The following PLBD1 variants were observed in gnomAD, a reference collection of about 807,000 sequenced individuals.
PLBD1 encodes the protein phospholipase B domain containing 1.
Under a neutral mutation model 63.0 loss-of-function variants are expected in PLBD1, and 60 were observed. The ratio of observed to expected loss-of-function variants is 0.95; its 90% CI spans 0.77 to 1.18. The LOEUF is 1.18. Ranked by LOEUF, PLBD1 falls within the 50% of genes most tolerant of loss-of-function variation. PLBD1 has a pLI of 0.00. For missense variants in PLBD1, 598 were observed against 677.9 expected, an observed-to-expected ratio of 0.88 and a Z score of 1.31; for synonymous variants, 262 against 248.0, an observed-to-expected ratio of 1.06 and a Z score of -0.53.
rs1042986464 is a variant in PLBD1, at chr12:14,527,940, CAA to C, written c.844+7717_844+7718del. ...TTAAGGCAAGGAGTTGTACTAGAGA[CAA>C]AAAAAAAAGACGTTTCATAATGATA... On this transcript the variant is annotated intron_variant, in intron 6 of 10. Coordinates refer to ENST00000240617, the MANE Select transcript of PLBD1 (RefSeq NM_024829.6). 2.2e-5 allele frequency among the ~76,000 whole-genome samples: 3 copies of C among 138,526 alleles called. No individual in the cohort carries two copies. In the Admixed American group the frequency reaches 2.2e-4, roughly 10 times the overall value. 90.9% of individuals were successfully genotyped at this position (138,526 alleles called of 152,430 possible). A position where few individuals can be genotyped will look rare whatever the true frequency, so the allele number is the denominator to read the frequency against.
chr12:14,547,596 C>T (rs1213747848), intron 2 of PLBD1, among the ~76,000 whole-genome samples: 1 of 152,202 alleles, frequency 6.6e-6, no homozygotes. Context: ...TCAGCTCCTG[C>T]AGTGTGTAAA....
At chr12:14,515,953 G>A (rs556603724) in intron 6 of PLBD1, among the ~76,000 whole-genome samples, 2 of 151,630 alleles carry the variant, frequency 1.3e-5, no homozygotes, top group East Asian at 1.9e-4. Flanking sequence ...GGAGGCTGAG[G>A]CACAAGAATT....
intron 6 of PLBD1, among the ~76,000 whole-genome samples, chr12:14,521,774 A>C (rs1286067839): frequency 6.6e-6 from 1 of 152,148 alleles, no homozygotes; most frequent in Non-Finnish European, 1.5e-5. Context: ...CCACCAAAAA[A>C]ACACAATAAC....
intron 6 of PLBD1, among the ~76,000 whole-genome samples, chr12:14,515,808 G>A (rs1945331810): frequency 1.3e-5 from 2 of 152,044 alleles, no homozygotes; most frequent in Admixed American, 6.6e-5. Flanking sequence ...CAGCACTTTG[G>A]GAGACCGAGG....
At chr12:14,513,373 G>GT (rs1174902347) in intron 6 of PLBD1, among the ~76,000 whole-genome samples, 1 of 152,104 alleles carries the variant, frequency 6.6e-6, no homozygotes, top group Non-Finnish European at 1.5e-5. Context: ...TGGACTTAAT[G>GT]TTTTTGTTTT....
In PLBD1 at chr12:14,511,544, T is replaced by G; in HGVS notation, c.1012A>C (p.Arg338=). 3 of 1,614,212 alleles carry G rather than the reference T, an allele frequency of 1.9e-6. No homozygotes were observed. The highest frequency in any genetic ancestry group is 2.5e-6 in the Non-Finnish European group (3 of 1,180,034). The part of the protein sequence containing the change: ...VANMMADSGK[R]WADIFSKYNS... Reference sequence around the variant, plus strand: ...TATTTTGAAAAGATGTCTGCCCACCTCTTGCCACTATCTGCCATCATATTG... The same window carrying G: ...TATTTTGAAAAGATGTCTGCCCACCGCTTGCCACTATCTGCCATCATATTG... The change falls in exon 7 of 11, where the codon AGG becomes CGG. Residue 338 remains arginine, a synonymous_variant. Transcript: ENST00000240617.
At chr12:14,531,460 T>C (rs933085418) in intron 6 of PLBD1, among the ~76,000 whole-genome samples, 1 of 152,200 alleles carries the variant, frequency 6.6e-6, no homozygotes, top group African/African-American at 2.4e-5. Flanking sequence ...TTATTATGCT[T>C]TGTTAATGAT....
intron 2 of PLBD1, among the ~76,000 whole-genome samples, chr12:14,545,859 C>A (rs1176093843): frequency 6.6e-6 from 1 of 151,906 alleles, no homozygotes; most frequent in Non-Finnish European, 1.5e-5. Flanking sequence ...ATTGAATCAT[C>A]ACATTTAACT....
intron 1 of PLBD1, among the ~76,000 whole-genome samples, chr12:14,558,513 G>A (rs1411852244): frequency 3.9e-5 from 6 of 152,084 alleles, no homozygotes; most frequent in African/African-American, 1.4e-4. Flanking sequence ...TCCAGGGAGC[G>A]TTGTAGGGAA....
rs374461141 is a variant in PLBD1 at position 14,519,686 on chromosome 12, G to A, written c.845-7975C>T. Among the ~76,000 whole-genome samples, 19 of 151,286 alleles carry A rather than the reference G, an allele frequency of 1.3e-4. No homozygotes were observed. The South Asian group carries it at 4.0e-3, about 32-fold the overall frequency. On this transcript the variant is annotated intron_variant, in intron 6 of 10. Transcript: ENST00000240617. The stretch of plus-strand genomic sequence containing the variant: ...CCCACACAGAGAAAAGGCCATGTGA[G>A]GACACAGTGAGAGGGTGGCCATCTG...
intron 4 of PLBD1, among the ~76,000 whole-genome samples, chr12:14,540,495 C>T (rs1183702394): frequency 1.3e-5 from 2 of 152,064 alleles, no homozygotes; most frequent in African/African-American, 4.8e-5. Flanking sequence ...AAACCCAGTA[C>T]ATTCATACTA....
Position 14,511,510 on chromosome 12 carries a change from C to G in PLBD1, c.1045+1G>C, listed in dbSNP as rs200669113. The G allele has an allele frequency of 6.2e-7, 1 of 1,614,176 alleles. No homozygotes were observed. Among genetic ancestry groups the G allele is most frequent in the East Asian group, 2.2e-5 (1 of 44,878 alleles). On this transcript the variant is annotated splice_donor_variant, in intron 7 of 10. Coordinates refer to ENST00000240617, the MANE Select transcript of PLBD1 (RefSeq NM_024829.6). LOFTEE classifies it high-confidence loss of function. ...AACAGTTATTCTGCAGGGTCACTTACCAGAGTTGTATTTTGAAAAGATGTC... is the reference window on the plus strand; with the variant it reads ...AACAGTTATTCTGCAGGGTCACTTAGCAGAGTTGTATTTTGAAAAGATGTC...
At chr12:14,526,772 A>T (rs1247793651) in intron 6 of PLBD1, among the ~76,000 whole-genome samples, 3 of 152,192 alleles carry the variant, frequency 2.0e-5, no homozygotes, top group Non-Finnish European at 1.5e-5. Flanking sequence ...CACGAGTTGG[A>T]GACCAGCTTG....
In PLBD1 at chr12:14,511,328, G is replaced by A; in HGVS notation, c.1118C>T (p.Thr373Ile). 1 of 1,612,384 alleles carries A rather than the reference G, an allele frequency of 6.2e-7. No homozygotes were observed. Among genetic ancestry groups the A allele is most frequent in the Non-Finnish European group, 8.5e-7 (1 of 1,178,590 alleles). Residue 373 changes from threonine (T) to isoleucine (I), a missense_variant, in exon 8 of 11, where the codon ACT becomes ATT. Transcript: ENST00000240617. Reference protein sequence around the residue: ...VKLNHSLDKGTLYIVEQIPTY... With the variant: ...VKLNHSLDKGILYIVEQIPTY... ...AGGAATTTGCTCCACAATGTACAGAGTGCCTTTGTCAAGACTGTGGTTCAG... is the reference window on the plus strand; with the variant it reads ...AGGAATTTGCTCCACAATGTACAGAATGCCTTTGTCAAGACTGTGGTTCAG...
chr12:14,546,967 GCCA>G (rs1240377935), intron 2 of PLBD1, among the ~76,000 whole-genome samples: 1 of 151,454 alleles, frequency 6.6e-6, no homozygotes, highest in Non-Finnish European at 1.5e-5. Flanking sequence ...TGCAACTTTT[GCCA>G]CCGAGGTTCA....
At chr12:14,563,706 A>T (rs1945760319) in intron 1 of PLBD1, among the ~76,000 whole-genome samples, 1 of 152,174 alleles carries the variant, frequency 6.6e-6, no homozygotes, top group African/African-American at 2.4e-5. Context: ...CACTTATAAT[A>T]CCCATCTTCC....
chr12:14,553,815 A>G, intron 1 of PLBD1: 1 of 222,416 alleles, frequency 4.5e-6, no homozygotes, highest in South Asian at 6.5e-5. Flanking sequence ...TCTATCAGGG[A>G]TGATCGTCCT....
chr12:14,545,817 T>C (rs1945612020), intron 2 of PLBD1, among the ~76,000 whole-genome samples: 1 of 152,232 alleles, frequency 6.6e-6, no homozygotes, highest in Admixed American at 6.5e-5. Flanking sequence ...TCATGAGATT[T>C]TTTTTTCAAA....
At chr12:14,534,174 G>C (rs1945490583) in intron 6 of PLBD1, among the ~76,000 whole-genome samples, 1 of 152,154 alleles carries the variant, frequency 6.6e-6, no homozygotes. Context: ...ATTTCTGATA[G>C]GAAGAGCAAA....
Sources: allele counts gnomAD v4.1 joint callset (sites outside exome capture counted in the v4.1 genomes callset), GRCh38; gene constraint gnomAD v4.1.1; transcripts MANE v1.5; gene names NCBI Gene and HGNC (gene_info 2026-07-23, HGNC 2026-07-21).